The following MTBP variants were observed in gnomAD, a reference collection of about 807,000 sequenced individuals.
MTBP encodes the protein mdm2-binding protein.
Under a neutral mutation model 117.0 loss-of-function variants are expected in MTBP, and 101 were observed. The ratio of observed to expected loss-of-function variants is 0.86; its 90% CI spans 0.73 to 1.02. MTBP has a LOEUF of 1.02. Among genes scored for constraint, MTBP ranks in the 50% least tolerant of loss-of-function variants. The probability of loss-of-function intolerance (pLI) is 0.00; values close to 1 mark genes in which losing one functional copy is unlikely to be tolerated. For synonymous variants in MTBP, 350 were observed against 351.5 expected (o/e 1.00, Z 0.05); for missense variants, 970 against 1,030.9 (o/e 0.94, Z 0.81).
Position 120,488,263 on chromosome 8 carries a change from A to C in MTBP, c.1270A>C (p.Ile424Leu). ...CACATTGATTCACTCAGCCAACCAGATCAATGGCTCATTTGCACTCAATTT... is the reference window on the plus strand; with the variant it reads ...CACATTGATTCACTCAGCCAACCAGCTCAATGGCTCATTTGCACTCAATTT... ...KATLIHSANQ[I>L]NGSFALNLIH... The change falls in exon 12 of 22, where the codon ATC (isoleucine) becomes CTC (leucine). Residue 424 changes from isoleucine (I) to leucine (L), a missense_variant. Transcript: ENST00000305949. 6.3e-7 allele frequency: 1 copy of C among 1,587,124 alleles called. No individual in the cohort carries two copies. Among genetic ancestry groups the C allele is most frequent in the Non-Finnish European group, 8.5e-7 (1 of 1,170,460 alleles).
At chr8:120,506,645 C>A in intron 15 of MTBP, 61 bp from the exon 16 acceptor site, 42 of 1,083,728 alleles carry the variant, frequency 3.9e-5, no homozygotes, top group Non-Finnish European at 4.4e-5. Flanking sequence ...TTTTTTTTGA[C>A]TCTGGCTTCT....
chr8:120,453,528 T>G (rs1462423982), intron 4 of MTBP, among the ~76,000 whole-genome samples: 1 of 152,210 alleles, frequency 6.6e-6, no homozygotes, highest in East Asian at 1.9e-4. Context: ...GATTTATATT[T>G]AATATGCTAG....
intron 2 of MTBP, among the ~76,000 whole-genome samples, chr8:120,447,283 C>A (rs1182585759): frequency 6.6e-6 from 1 of 151,904 alleles, no homozygotes; most frequent in African/African-American, 2.4e-5. Flanking sequence ...CATTAGAGAA[C>A]CTCTTGTCTC....
intron 1 of MTBP, among the ~76,000 whole-genome samples, 180 bp from the exon 2 acceptor site, chr8:120,446,253 C>T (rs974523108): frequency 9.2e-5 from 14 of 152,106 alleles, no homozygotes; most frequent in African/African-American, 3.1e-4. Context: ...GATCGGGAGC[C>T]TTTTCTATTT....
chr8:120,483,912 TA>T (rs1375231667), intron 11 of MTBP, among the ~76,000 whole-genome samples: 11 of 152,224 alleles, frequency 7.2e-5, no homozygotes, highest in Middle Eastern at 3.4e-3. Context: ...ATAACTACGC[TA>T]ATTGTAAATC....
In MTBP at chr8:120,446,454, A is replaced by G. The variant is rs1201006209; in HGVS notation, c.140A>G (p.Tyr47Cys). 6.2e-7 allele frequency: 1 copy of G among 1,609,364 alleles called. No homozygotes were observed. The highest frequency in any genetic ancestry group is 2.2e-5 in the East Asian group (1 of 44,808). The change falls in exon 2 of 22, where the codon TAT becomes TGT. Residue 47 changes from tyrosine (Y) to cysteine (C), a missense_variant. Tyr to Cys is a radical substitution (Grantham distance 194). Coordinates refer to ENST00000305949, the MANE Select transcript of MTBP (RefSeq NM_022045.5). ...TCAGACTTCACAGCAGCAAATGTTT[A>G]TCACCTCTTGAAAAGAAGCATTAGT... ...NQPDFTAANV[Y>C]HLLKRSISAS...
At chr8:120,494,864 C>G (rs1297842885) in intron 13 of MTBP, among the ~76,000 whole-genome samples, 5 of 151,978 alleles carry the variant, frequency 3.3e-5, no homozygotes, top group African/African-American at 1.2e-4. Context: ...TATGTTTTTC[C>G]AGAGGCTCCA....
chr8:120,482,286 T>C (rs1313202233), intron 11 of MTBP, among the ~76,000 whole-genome samples: 2 of 152,356 alleles, frequency 1.3e-5, no homozygotes, highest in South Asian at 2.1e-4. Context: ...ATCACTACTT[T>C]AGGCCTTTAA....
In MTBP at chr8:120,463,672, T is replaced by G. The variant is rs1477171819; in HGVS notation, c.978-20T>G. On this transcript the variant is annotated intron_variant, in intron 9 of 21. Transcript: ENST00000305949. Reference sequence around the variant, plus strand: ...GTTTCATGGGTACCATTACATCATTTCTTTAACTCCTTAGTACAGAGGATT... The same window carrying G: ...GTTTCATGGGTACCATTACATCATTGCTTTAACTCCTTAGTACAGAGGATT... 4 of 1,569,984 alleles carry G rather than the reference T, an allele frequency of 2.5e-6. No individual in the cohort carries two copies. The highest frequency in any genetic ancestry group is 3.5e-6 in the Non-Finnish European group (4 of 1,152,894).
In MTBP at chr8:120,488,301, G is replaced by A; in HGVS notation, c.1308G>A (p.Lys436=). The change falls in exon 12 of 22, where the codon AAG becomes AAA. Residue 436 remains lysine, a synonymous_variant. Transcript: ENST00000305949. ...GSFALNLIHG[K]MKTKTEEAKL... ...TTGCACTCAATTTAATTCATGGAAA[G>A]ATGAAAACAAAGACAGAAGAAGCCA... 1.3e-6 allele frequency: 2 copies of A among 1,560,030 alleles called. No individual in the cohort carries two copies. The highest frequency in any genetic ancestry group is 1.7e-6 in the Non-Finnish European group (2 of 1,160,752).
At chr8:120,451,405 A>G (rs1813343364) in intron 4 of MTBP, 83 bp downstream of exon 4, 1 of 1,233,976 alleles carries the variant, frequency 8.1e-7, no homozygotes, top group Non-Finnish European at 1.1e-6. Context: ...AAGATTATAT[A>G]TTTTAGCATC....
chr8:120,518,149 T>C (rs751380352), intron 19 of MTBP, 49 bp downstream of exon 19: 9 of 1,517,712 alleles, frequency 5.9e-6, no homozygotes, highest in Non-Finnish European at 8.0e-6. Context: ...GAAGACTTTT[T>C]AAATTTGATT....
intron 11 of MTBP, chr8:120,471,496 T>G (rs1813816281): frequency 6.6e-6 from 1 of 152,246 alleles, no homozygotes; most frequent in Admixed American, 6.6e-5. Context: ...CGAGATGCGG[T>G]TTCACCATGT....
intron 11 of MTBP, among the ~76,000 whole-genome samples, chr8:120,485,941 A>G (rs1814204585): frequency 6.6e-6 from 1 of 152,104 alleles, no homozygotes; most frequent in South Asian, 2.1e-4. Flanking sequence ...CCTTTCCCTG[A>G]TACCTTCTTT....
At chr8:120,467,837 T>A (rs1813730749) in intron 10 of MTBP, among the ~76,000 whole-genome samples, 2 of 152,254 alleles carry the variant, frequency 1.3e-5, no homozygotes, top group Admixed American at 6.5e-5. Context: ...CTTATTTTCA[T>A]ATTTGTAGCA....
chr8:120,451,390 G>T (rs1465663486), intron 4 of MTBP, 68 bp downstream of exon 4: 3 of 1,334,852 alleles, frequency 2.2e-6, no homozygotes, highest in Middle Eastern at 2.0e-4. Context: ...TAATCCATGA[G>T]AATGAAGATT....
intron 16 of MTBP, among the ~76,000 whole-genome samples, chr8:120,508,304 CAT>C (rs1814731345): frequency 6.6e-6 from 1 of 151,976 alleles, no homozygotes; most frequent in African/African-American, 2.4e-5. Context: ...TATTTATCAA[CAT>C]GTTTATTTTA....
At chr8:120,460,484 C>T (rs1813559735) in intron 8 of MTBP, among the ~76,000 whole-genome samples, 1 of 152,108 alleles carries the variant, frequency 6.6e-6, no homozygotes, top group South Asian at 2.1e-4. Flanking sequence ...GTAACCTCTT[C>T]AAGAAGTGTG....
At chr8:120,515,877 G>C in intron 17 of MTBP, 48 bp from the exon 18 acceptor site, 1 of 1,539,924 alleles carries the variant, frequency 6.5e-7, no homozygotes, top group Non-Finnish European at 8.9e-7. Context: ...GGGAAAGTCT[G>C]TTGCTCTCAT....
Sources: allele counts gnomAD v4.1 joint callset (sites outside exome capture counted in the v4.1 genomes callset), GRCh38; gene constraint gnomAD v4.1.1; transcripts MANE v1.5; gene names NCBI Gene and HGNC (gene_info 2026-07-23, HGNC 2026-07-21).